Variants in NEU3 observed in about 807,000 individuals in gnomAD.
The protein encoded by NEU3 is sialidase-3.
In NEU3, 10 loss-of-function variants were observed where a neutral mutation model predicts 11.4. The ratio of observed to expected loss-of-function variants is 0.88; its 90% CI spans 0.54 to 1.49. The LOEUF is 1.49. NEU3 is among the 40% of genes most tolerant of loss of function. NEU3 has a pLI of 0.00. For synonymous variants in NEU3, 212 were observed against 228.2 expected (o/e 0.93, Z 0.64); for missense variants, 529 against 581.8 (o/e 0.91, Z 0.93).
intron 1 of NEU3, 30 bp downstream of exon 1, chr11:74,989,184 C>G (rs895165175): frequency 8.6e-6 from 13 of 1,516,908 alleles, no homozygotes; most frequent in Non-Finnish European, 1.2e-5. Flanking sequence ...AGGAGAGCTC[C>G]CCGAGGAGGA....
At chr11:74,982,581 C>T in the NEU3 span, among the ~76,000 whole-genome samples, 1 of 152,058 alleles carries the variant, frequency 6.6e-6, no homozygotes, top group Admixed American at 6.6e-5. Context: ...AAAAAGCTCC[C>T]CATCTTTGGG....
chr11:74,990,515 C>T (rs1472806160), intron 1 of NEU3, among the ~76,000 whole-genome samples: 1 of 152,124 alleles, frequency 6.6e-6, no homozygotes, highest in African/African-American at 2.4e-5. Context: ...TGCCACCATG[C>T]CTGGCCAATT....
Position 74,994,405 on chromosome 11 carries a change from GC to G in NEU3, c.95-97del, listed in dbSNP as rs1322409704. On this transcript the variant is annotated intron_variant, in intron 1 of 2. Transcript: ENST00000294064. ...TAAAGAAACATTTGAATATATCTGT[GC>G]CCCCCCACCTTTGCTCTCCAGAAGT... The G allele has an allele frequency of 1.4e-5, 11 of 759,312 alleles. 1 individual carries two copies. Among genetic ancestry groups the G allele is most frequent in the South Asian group, 1.1e-4 (5 of 45,126 alleles). 47.0% of individuals were successfully genotyped at this position (759,312 alleles called of 1,614,324 possible). A position where few individuals can be genotyped will look rare whatever the true frequency, so the allele number is the denominator to read the frequency against.
intron 2 of NEU3, chr11:75,004,544 T>C (rs1057092291): frequency 3.8e-5 from 17 of 449,968 alleles, no homozygotes; most frequent in Non-Finnish European, 6.7e-5. Context: ...TCTACTATTG[T>C]TTTGAAAATA....
chr11:74,981,580 ACAT>A, the NEU3 span, among the ~76,000 whole-genome samples: 2 of 152,064 alleles, frequency 1.3e-5, no homozygotes, highest in Non-Finnish European at 2.9e-5. Context: ...GCTGGTGCAA[ACAT>A]CATGCTCATG....
chr11:75,017,414 T>C (rs763382578), intron 3 of NEU3, among the ~76,000 whole-genome samples: 10 of 152,178 alleles, frequency 6.6e-5, no homozygotes, highest in African/African-American at 1.9e-4. Flanking sequence ...GCTGCTACTG[T>C]TGGTGCCCCA....
upstream of NEU3, chr11:74,988,875 A>G: frequency 6.8e-6 from 4 of 591,218 alleles, no homozygotes; most frequent in South Asian, 1.9e-5. Flanking sequence ...GTTGGCCCCA[A>G]CCGCCACTGA....
At position 75,005,928 on chromosome 11, in the gene NEU3, T is replaced by G. The variant is rs770766955; in HGVS notation, c.822T>G (p.Tyr274Ter). The change falls in exon 3 of 3, where the codon TAT becomes TAG. Residue 274 changes from tyrosine (Y) to a stop codon, truncating the protein, a stop_gained. Transcript: ENST00000294064. LOFTEE classifies it low-confidence loss of function (END_TRUNC). Reference sequence around the variant, plus strand: ...GGAGGGCTGGCCACCCTGTGCTATATTGCAGTGCCCGGACACCAAACAGGT... The same window carrying G: ...GGAGGGCTGGCCACCCTGTGCTATAGTGCAGTGCCCGGACACCAAACAGGT... ...VTGRAGHPVL[Y>*]CSARTPNRCR... 4 of 1,613,586 alleles carry G rather than the reference T, an allele frequency of 2.5e-6. No individual in the cohort carries two copies.
At position 74,993,372 on chromosome 11, in the gene NEU3, T is replaced by G. The variant is rs571392282; in HGVS notation, c.95-1137T>G. ...GTGCCTGCCAGCACACCCGGCTAAT[T>G]TTTTTGTATTTTTAGTAGAGATGGG... On this transcript the variant is annotated intron_variant, in intron 1 of 2. Coordinates refer to ENST00000294064, the MANE Select transcript of NEU3 (RefSeq NM_006656.6). 9.2e-4 allele frequency among the ~76,000 whole-genome samples: 140 copies of G among 152,110 alleles called. 1 individual carries two copies. Among genetic ancestry groups the G allele is most frequent in the South Asian group, 2.7e-3 (13 of 4,806 alleles).
intron 1 of NEU3, chr11:74,989,832 C>T (rs1264004513): frequency 9.5e-6 from 6 of 628,492 alleles, no homozygotes; most frequent in Non-Finnish European, 1.7e-5. Flanking sequence ...GCTATACTCT[C>T]TCCCAGTAAG....
At chr11:74,987,954 T>TA (rs1225956061), upstream of NEU3, among the ~76,000 whole-genome samples, 20 of 146,732 alleles carry the variant, frequency 1.4e-4, no homozygotes, top group South Asian at 4.2e-3. Flanking sequence ...GGTTGGCACC[T>TA]ATGTTCTTTC....
Position 75,005,729 on chromosome 11 carries a change from T to G in NEU3, c.623T>G (p.Val208Gly). 1 of 1,613,944 alleles carries G rather than the reference T, an allele frequency of 6.2e-7. No homozygotes were observed. Residue 208 changes from valine (V) to glycine (G), a missense_variant, in exon 3 of 3, where the codon GTC (valine) becomes GGC (glycine). By Grantham distance (109) the Val-to-Gly change is moderately radical. Transcript: ENST00000294064. Reference protein sequence around the residue: ...HGIQLQSGRLVIPAYTYYIPS... With the variant: ...HGIQLQSGRLGIPAYTYYIPS... ...ATCCAGCTGCAGTCAGGGAGACTGG[T>G]CATCCCTGCGTATACCTACTACATC...
Position 75,006,785 on chromosome 11 carries a change from G to A in NEU3, c.*293G>A. On this transcript the variant is annotated 3_prime_UTR_variant, in exon 3 of 3. Coordinates refer to ENST00000294064, the MANE Select transcript of NEU3 (RefSeq NM_006656.6). The stretch of plus-strand genomic sequence containing the variant: ...CCTCAGGTTTCCATCTGTAAAATGA[G>A]AGTATTGGTTCTAAGATTTCTCATC... 3.1e-6 allele frequency: 1 copy of A among 325,714 alleles called. No homozygotes were observed. Among genetic ancestry groups the A allele is most frequent in the Admixed American group, 4.6e-5 (1 of 21,800 alleles). The allele number at this position is 325,714 out of a possible 1,614,324, so 20.2% of individuals were successfully genotyped here.
upstream of NEU3, among the ~76,000 whole-genome samples, chr11:74,983,530 A>G (rs1029138350): frequency 1.3e-5 from 2 of 152,218 alleles, no homozygotes; most frequent in Admixed American, 6.5e-5. Flanking sequence ...TTAGGCTGCT[A>G]CTGAGCTCTT....
Position 75,005,405 on chromosome 11 carries a change from T to A in NEU3, c.307-8T>A. 2 of 1,588,926 alleles carry A rather than the reference T, an allele frequency of 1.3e-6. No homozygotes were observed. Among genetic ancestry groups the A allele is most frequent in the Non-Finnish European group, 1.7e-6 (2 of 1,166,510 alleles). On this transcript the variant is annotated splice_polypyrimidine_tract_variant and splice_region_variant and intron_variant, in intron 2 of 2. Transcript: ENST00000294064. ...CTCACTCCTACTTTCTCCCTTCTCC[T>A]TGTCTAGTGGGGGCCCCTGAAGCCA...
downstream of NEU3, among the ~76,000 whole-genome samples, chr11:75,019,091 G>C (rs186506905): frequency 6.6e-6 from 1 of 152,216 alleles, no homozygotes; most frequent in Non-Finnish European, 1.5e-5. Context: ...TCTAAGTGGC[G>C]AAGCATTCAA....
chr11:74,988,088 T>G (rs562907558), upstream of NEU3: 1 of 152,196 alleles, frequency 6.6e-6, no homozygotes, highest in African/African-American at 2.4e-5. Flanking sequence ...GAATTCAAAT[T>G]TACAGAAGCT....
chr11:75,005,935 G>T lies in NEU3; in HGVS notation c.829G>T (p.Ala277Ser), dbSNP rs944512057. 1 of 1,613,630 alleles carries T rather than the reference G, an allele frequency of 6.2e-7. No homozygotes were observed. The change falls in exon 3 of 3, where the codon GCC (alanine) becomes TCC (serine). Residue 277 changes from alanine (A) to serine (S), a missense_variant. Physicochemically the swap from Ala to Ser is moderately conservative, Grantham distance 99. Coordinates refer to ENST00000294064, the MANE Select transcript of NEU3 (RefSeq NM_006656.6). ...RAGHPVLYCS[A>S]RTPNRCRAEA... ...TGGCCACCCTGTGCTATATTGCAGT[G>T]CCCGGACACCAAACAGGTGCCGGGC...
At chr11:75,018,759 G>A (rs1035206872) in exon 4 of NEU3, 1 of 152,326 alleles carries the variant, frequency 6.6e-6, no homozygotes, top group Non-Finnish European at 1.5e-5. Context: ...ACCCAAAAAT[G>A]TGGAAACTAC....
Sources: allele counts gnomAD v4.1 joint callset (sites outside exome capture counted in the v4.1 genomes callset), GRCh38; gene constraint gnomAD v4.1.1; transcripts MANE v1.5; gene names NCBI Gene and HGNC (gene_info 2026-07-23, HGNC 2026-07-21).